Variants in ARID4B observed in about 807,000 individuals in gnomAD.
ARID4B encodes the protein AT-rich interactive domain-containing protein 4B.
In ARID4B, 26 loss-of-function variants were observed where a neutral mutation model predicts 147.5. The ratio of observed to expected loss-of-function variants is 0.18; its 90% confidence interval spans 0.13 to 0.24. The LOEUF is 0.24. Ranked by LOEUF, ARID4B falls within the 10% of genes least tolerant of loss-of-function variation. ARID4B has a pLI of 1.00. For synonymous variants in ARID4B, 512 were observed against 507.9 expected (o/e 1.01, Z -0.11); for missense variants, 1,179 against 1,511.5 (o/e 0.78, Z 3.65).
Position 235,246,522 on chromosome 1 carries a change from G to C in ARID4B, c.355-11C>G, listed in dbSNP as rs1432299743. The C allele has an allele frequency of 6.3e-7, 1 of 1,599,956 alleles. No individual in the cohort carries two copies. The highest frequency in any genetic ancestry group is 8.6e-7 in the Non-Finnish European group (1 of 1,168,044). ...GAGCTGGTCTAATGTCTGTGGGTAA[G>C]AACATAAACCCATCAAAAAATTAAC... On this transcript the variant is annotated splice_polypyrimidine_tract_variant and intron_variant, in intron 6 of 23. Transcript: ENST00000264183.
chr1:235,287,255 T>C (rs986042891), intron 2 of ARID4B, among the ~76,000 whole-genome samples: 2 of 149,948 alleles, frequency 1.3e-5, no homozygotes, highest in African/African-American at 4.9e-5. Flanking sequence ...TAAGACTCTG[T>C]CTCAGAAAAA....
intron 2 of ARID4B, among the ~76,000 whole-genome samples, chr1:235,263,813 C>A (rs532768490): frequency 6.6e-6 from 1 of 151,206 alleles, no homozygotes; most frequent in Middle Eastern, 3.2e-3. Flanking sequence ...CGGTGAAACC[C>A]CGTCTCTACT....
chr1:235,278,090 G>A (rs538346234), intron 2 of ARID4B, among the ~76,000 whole-genome samples: 1 of 152,124 alleles, frequency 6.6e-6, no homozygotes, highest in African/African-American at 2.4e-5. Context: ...ACATACAGGG[G>A]TATGTAACAG....
intron 2 of ARID4B, among the ~76,000 whole-genome samples, chr1:235,321,566 C>T (rs566013948): frequency 1.1e-4 from 16 of 152,286 alleles, no homozygotes; most frequent in South Asian, 8.3e-4. Context: ...AGTGCAGTGG[C>T]GTGATCTCGG....
rs745800189 is a variant in ARID4B, at chr1:235,246,405, T to C, written c.446+15A>G. 1.3e-6 allele frequency: 2 copies of C among 1,560,790 alleles called. No homozygotes were observed. The highest frequency in any genetic ancestry group is 1.1e-5 in the South Asian group (1 of 89,950). ...TGAATTCAGGTTCAACTAACAGTCATGAAAATGGACTTACATATGATTAGA... is the reference window on the plus strand; with the variant it reads ...TGAATTCAGGTTCAACTAACAGTCACGAAAATGGACTTACATATGATTAGA... On this transcript the variant is annotated intron_variant, in intron 7 of 23. Coordinates refer to ENST00000264183, the MANE Select transcript of ARID4B (RefSeq NM_016374.6).
intron 2 of ARID4B, among the ~76,000 whole-genome samples, chr1:235,317,840 A>G (rs189897194): frequency 5.3e-5 from 8 of 152,278 alleles, no homozygotes; most frequent in African/African-American, 1.7e-4. Flanking sequence ...TATTGAATTA[A>G]TTTTTTAAAT....
Position 235,195,218 on chromosome 1 carries a change from A to T in ARID4B, c.1926+813T>A, listed in dbSNP as rs75540779. ...TTAGGAAAATTTAGTCTTAGAATGA[A>T]TAATTCTATCATACATAAAAGTAAC... On this transcript the variant is annotated intron_variant, in intron 18 of 23. Transcript: ENST00000264183. Among the ~76,000 whole-genome samples the T allele has an allele frequency of 8.9e-3, 1,362 of 152,292 alleles. 21 individuals carry two copies. The highest frequency in any genetic ancestry group is 0.032 in the African/African-American group (1,312 of 41,560).
At chr1:235,320,166 G>A (rs1400219100) in intron 2 of ARID4B, among the ~76,000 whole-genome samples, 6 of 151,460 alleles carry the variant, frequency 4.0e-5, no homozygotes, top group African/African-American at 9.7e-5. Flanking sequence ...TTAGCCAGGC[G>A]TGGTGGCAGG....
chr1:235,289,673 C>T (rs751212096), intron 2 of ARID4B, among the ~76,000 whole-genome samples: 7 of 149,094 alleles, frequency 4.7e-5, no homozygotes, highest in Middle Eastern at 3.2e-3. Flanking sequence ...TGCAGTAAGC[C>T]GTTATTGGAC....
rs766936500 is a variant in ARID4B, at chr1:235,182,340, C to T, written c.2579G>A (p.Ser860Asn). Residue 860 changes from serine (S) to asparagine (N), a missense_variant, in exon 20 of 24, where the codon AGC becomes AAC. Physicochemically the swap from Ser to Asn is conservative, Grantham distance 46. Coordinates refer to ENST00000264183, the MANE Select transcript of ARID4B (RefSeq NM_016374.6). ...TTCTTCTTCATCTTCATCTGAAGAG[C>T]TGTTGCTACTGTTTTCCATGCAAAG... ...ESLCMENSSN[S>N]SSDEDEEETK... is the part of the protein sequence containing the mutation. 6.2e-7 allele frequency: 1 copy of T among 1,613,186 alleles called. No homozygotes were observed. Among genetic ancestry groups the T allele is most frequent in the Admixed American group, 1.7e-5 (1 of 59,784 alleles).
chr1:235,173,769 AAAATATATATATATATAT>A (rs1246031168), intron 22 of ARID4B, among the ~76,000 whole-genome samples: 3 of 38,182 alleles, frequency 7.9e-5, no homozygotes, highest in Non-Finnish European at 1.3e-4. Flanking sequence ...AAAAAAAAAA[AAAATATATATATATATAT>A]ATATATATAT....
intron 5 of ARID4B, among the ~76,000 whole-genome samples, chr1:235,254,721 A>C (rs905788159): frequency 6.6e-6 from 1 of 151,962 alleles, no homozygotes; most frequent in Non-Finnish European, 1.5e-5. Flanking sequence ...AACTAATAAG[A>C]AAAAGATAAA....
chr1:235,273,217 G>A (rs958721158), intron 2 of ARID4B, among the ~76,000 whole-genome samples: 1 of 152,124 alleles, frequency 6.6e-6, no homozygotes, highest in African/African-American at 2.4e-5. Flanking sequence ...TCATGTGTGT[G>A]TATTTTTATA....
intron 20 of ARID4B, chr1:235,180,601 T>G (rs1664250971): frequency 1.3e-5 from 2 of 152,168 alleles, no homozygotes; most frequent in Non-Finnish European, 2.9e-5. Flanking sequence ...GCAAAGAACA[T>G]TTCAATTTAA....
At position 235,231,097 on chromosome 1, in the gene ARID4B, C is replaced by T; in HGVS notation, c.742+16G>A. Reference sequence around the variant, plus strand: ...GTTTTTACAGTACTTGTAATTTATTCCAAGATTATCCTTACCTTGCTTTAA... The same window carrying T: ...GTTTTTACAGTACTTGTAATTTATTTCAAGATTATCCTTACCTTGCTTTAA... On this transcript the variant is annotated intron_variant, in intron 10 of 23. Transcript: ENST00000264183. The T allele has an allele frequency of 6.6e-7, 1 of 1,523,894 alleles. No homozygotes were observed. The highest frequency in any genetic ancestry group is 8.9e-7 in the Non-Finnish European group (1 of 1,123,312). The allele number at this position is 1,523,894 out of a possible 1,614,324, so 94.4% of individuals were successfully genotyped here. A position where few individuals can be genotyped will look rare whatever the true frequency, so the allele number is the denominator to read the frequency against.
chr1:235,169,568 C>T (rs1295518304), intron 23 of ARID4B, among the ~76,000 whole-genome samples: 1 of 143,006 alleles, frequency 7.0e-6, no homozygotes, highest in Non-Finnish European at 1.5e-5. Flanking sequence ...CGGAGTCTCA[C>T]TCTGTCGCCC....
intron 19 of ARID4B, chr1:235,190,219 G>A (rs1425365419): frequency 6.6e-6 from 1 of 152,220 alleles, no homozygotes; most frequent in Admixed American, 6.5e-5. Context: ...AGGCTGAGGT[G>A]AGTGGATCAC....
At chr1:235,189,005 A>G (rs1664885158) in intron 19 of ARID4B, among the ~76,000 whole-genome samples, 1 of 152,232 alleles carries the variant, frequency 6.6e-6, no homozygotes, top group Non-Finnish European at 1.5e-5. Flanking sequence ...TGAAAGATCA[A>G]AATCCGAAAG....
chr1:235,299,375 A>T lies in ARID4B; in HGVS notation c.6+27539T>A, dbSNP rs540423741. ...ATTACAGGAGCCCACCACCACGCCCAGCTATTTTTTGTATTTTTAGTAGAG... is the reference window on the plus strand; with the variant it reads ...ATTACAGGAGCCCACCACCACGCCCTGCTATTTTTTGTATTTTTAGTAGAG... On this transcript the variant is annotated intron_variant, in intron 2 of 23. Coordinates refer to ENST00000264183, the MANE Select transcript of ARID4B (RefSeq NM_016374.6). Among the ~76,000 whole-genome samples the T allele has an allele frequency of 1.1e-3, 171 of 152,114 alleles. 1 individual carries two copies. The highest frequency in any genetic ancestry group is 4.0e-3 in the African/African-American group (168 of 41,482).
Sources: gnomAD v4.1 joint callset for allele counts (sites outside exome capture counted in the v4.1 genomes callset) on GRCh38, gnomAD v4.1.1 for gene constraint, MANE v1.5 for transcripts, NCBI Gene and HGNC (gene_info 2026-07-23, HGNC 2026-07-21) for gene names.